Variants in SNX29 observed in about 807,000 individuals in gnomAD.
The protein encoded by SNX29 is sorting nexin 29, also known as sorting nexin-29.
In SNX29, 78 loss-of-function variants were observed where a neutral mutation model predicts 102.1. That is an observed-to-expected ratio of 0.76 (90% confidence interval 0.64 to 0.92). SNX29 has a LOEUF of 0.92. Among genes scored for constraint, SNX29 ranks in the 40% least tolerant of loss-of-function variants. SNX29 has a pLI of 0.00. For missense variants in SNX29, 1,280 were observed against 1,061.7 expected, an observed-to-expected ratio of 1.21 and a Z score of -2.86; for synonymous variants, 580 against 414.5, an observed-to-expected ratio of 1.40 and a Z score of -4.85.
chr16:12,124,703 G>A (rs2054129106), intron 11 of SNX29, among the ~76,000 whole-genome samples: 1 of 152,198 alleles, frequency 6.6e-6, no homozygotes, highest in Non-Finnish European at 1.5e-5. Flanking sequence ...AGCTGCATTT[G>A]TGGATGAATC....
At chr16:12,530,431 C>A (rs1419423867) in intron 20 of SNX29, among the ~76,000 whole-genome samples, 1 of 152,098 alleles carries the variant, frequency 6.6e-6, no homozygotes, top group African/African-American at 2.4e-5. Context: ...CAGCACCCAC[C>A]CCATGCACAC....
At chr16:12,149,326 C>A (rs910080989) in intron 13 of SNX29, among the ~76,000 whole-genome samples, 1 of 152,128 alleles carries the variant, frequency 6.6e-6, no homozygotes, top group African/African-American at 2.4e-5. Context: ...TTCTCACTGG[C>A]CTGAACTTAC....
At chr16:12,078,094 C>G (rs577631661) in intron 10 of SNX29, among the ~76,000 whole-genome samples, 1 of 152,198 alleles carries the variant, frequency 6.6e-6, no homozygotes, top group African/African-American at 2.4e-5. Context: ...TATCTCCATA[C>G]GGCACATCAC....
chr16:12,044,925 A>G (rs541929910), intron 5 of SNX29, among the ~76,000 whole-genome samples: 2 of 152,232 alleles, frequency 1.3e-5, no homozygotes, highest in Admixed American at 1.3e-4. Flanking sequence ...TCCTTCCAGC[A>G]TATTATTTAC....
chr16:12,542,177 T>G (rs376119751), intron 20 of SNX29, among the ~76,000 whole-genome samples: 3 of 152,190 alleles, frequency 2.0e-5, no homozygotes, highest in Non-Finnish European at 4.4e-5. Flanking sequence ...TCAGGCCCTG[T>G]GCTAAGCCTT....
intron 13 of SNX29, among the ~76,000 whole-genome samples, chr16:12,139,287 C>T (rs1440987054): frequency 7.3e-5 from 11 of 150,574 alleles, no homozygotes; most frequent in South Asian, 2.1e-4. Flanking sequence ...CTCTGAGATA[C>T]GCTTCATGGG....
chr16:12,567,139 ACTGGGCTTGGATACAG>A (rs1259799109), intron 20 of SNX29, among the ~76,000 whole-genome samples: 3 of 152,228 alleles, frequency 2.0e-5, no homozygotes, highest in African/African-American at 7.2e-5. Context: ...GATTTGTGAA[ACTGGGCTTGGATACAG>A]CTGGGGGTGG....
At chr16:12,430,917 A>G (rs1053973429) in intron 18 of SNX29, among the ~76,000 whole-genome samples, 1 of 151,498 alleles carries the variant, frequency 6.6e-6, no homozygotes, top group Non-Finnish European at 1.5e-5. Context: ...CAGTGGCACA[A>G]TCTCTGCTCA....
At chr16:12,321,889 G>T (rs1468448512) in intron 15 of SNX29, among the ~76,000 whole-genome samples, 3 of 152,184 alleles carry the variant, frequency 2.0e-5, no homozygotes, top group Admixed American at 2.0e-4. Context: ...GCTGTGCCAG[G>T]GAGGTGGCCC....
intron 11 of SNX29, among the ~76,000 whole-genome samples, chr16:12,080,683 TAC>T (rs2051824441): frequency 1.4e-5 from 2 of 141,526 alleles, no homozygotes; most frequent in African/African-American, 5.4e-5. Context: ...CCCGGCCTAC[TAC>T]AGTTTACTTT....
intron 15 of SNX29, among the ~76,000 whole-genome samples, chr16:12,302,939 C>T (rs1344135717): frequency 1.3e-5 from 2 of 152,268 alleles, no homozygotes; most frequent in Admixed American, 6.5e-5. Flanking sequence ...AGCTTGTCAC[C>T]GTTCAAAAGT....
chr16:12,160,926 G>A (rs987509324), intron 13 of SNX29, among the ~76,000 whole-genome samples: 1 of 152,110 alleles, frequency 6.6e-6, no homozygotes, highest in Non-Finnish European at 1.5e-5. Context: ...TTCACTTCTG[G>A]CCTTGTGCCG....
chr16:12,312,006 G>C (rs192697386), intron 15 of SNX29, among the ~76,000 whole-genome samples: 204 of 152,318 alleles, frequency 1.3e-3, no homozygotes, highest in African/African-American at 4.4e-3. Context: ...TGGGAAGGGT[G>C]TGTGATCCAG....
intron 15 of SNX29, among the ~76,000 whole-genome samples, chr16:12,320,935 G>T (rs1332737365): frequency 1.3e-5 from 2 of 152,128 alleles, no homozygotes; most frequent in Non-Finnish European, 2.9e-5. Flanking sequence ...TGATAAACAA[G>T]AACAGAAAAA....
At chr16:12,555,525 C>T (rs988237782) in intron 20 of SNX29, among the ~76,000 whole-genome samples, 2 of 151,598 alleles carry the variant, frequency 1.3e-5, no homozygotes, top group African/African-American at 2.4e-5. Context: ...GACAGCGCCC[C>T]TGCTCTCTGG....
At chr16:12,349,140 G>GC (rs982776827) in intron 15 of SNX29, among the ~76,000 whole-genome samples, 32 of 152,308 alleles carry the variant, frequency 2.1e-4, no homozygotes, top group African/African-American at 6.3e-4. Flanking sequence ...CAGGCCACTT[G>GC]CCCCCCGCCA....
At chr16:12,427,196 C>T (rs2085115861) in intron 18 of SNX29, among the ~76,000 whole-genome samples, 1 of 152,112 alleles carries the variant, frequency 6.6e-6, no homozygotes, top group Non-Finnish European at 1.5e-5. Flanking sequence ...GTGGTTTCTT[C>T]TCGGTGCCAA....
chr16:12,498,752 T>C (rs1455572319), intron 19 of SNX29, among the ~76,000 whole-genome samples: 2 of 152,212 alleles, frequency 1.3e-5, no homozygotes, highest in East Asian at 3.8e-4. Context: ...TAGGAGGCAT[T>C]AACTTATAAA....
intron 20 of SNX29, among the ~76,000 whole-genome samples, chr16:12,558,164 C>T (rs922608455): frequency 8.5e-5 from 13 of 152,238 alleles, no homozygotes; most frequent in South Asian, 4.1e-4. Context: ...GCAAGTTAGG[C>T]GTAATGCATC....
Sources: gnomAD v4.1 joint callset for allele counts (sites outside exome capture counted in the v4.1 genomes callset) on GRCh38, gnomAD v4.1.1 for gene constraint, MANE v1.5 for transcripts, NCBI Gene and HGNC (gene_info 2026-07-23, HGNC 2026-07-21) for gene names.